ZC3H18: variants seen among roughly 807,000 people sequenced by gnomAD.
ZC3H18 encodes zinc finger CCCH-type containing 18.
A neutral mutation model predicts 106.1 loss-of-function variants in ZC3H18; 8 were observed. That is an observed-to-expected ratio of 0.08 (90% confidence interval 0.04 to 0.14). The LOEUF is 0.14. Among genes scored for constraint, ZC3H18 ranks in the 10% least tolerant of loss-of-function variants. The pLI is 1.00. For missense variants in ZC3H18, 1,318 were observed against 1,278.4 expected (o/e 1.03, Z -0.47); for synonymous variants, 635 against 522.1 (o/e 1.22, Z -2.95).
At chr16:88,584,921 A>G (rs1262252737) in intron 2 of ZC3H18, among the ~76,000 whole-genome samples, 1 of 152,252 alleles carries the variant, frequency 6.6e-6, no homozygotes, top group Admixed American at 6.5e-5. Flanking sequence ...AGGCAGGAAG[A>G]TTGGAATGGA....
At chr16:88,578,840 G>T (rs1204582199) in intron 2 of ZC3H18, among the ~76,000 whole-genome samples, 1 of 152,130 alleles carries the variant, frequency 6.6e-6, no homozygotes, top group African/African-American at 2.4e-5. Flanking sequence ...ACAGGCGCCC[G>T]CCACCACTGG....
chr16:88,623,590 A>C, intron 10 of ZC3H18: 2 of 587,708 alleles, frequency 3.4e-6, no homozygotes, highest in East Asian at 3.1e-5. Context: ...GAGTTGAGGC[A>C]CTCCAGTCCT....
At position 88,577,159 on chromosome 16, in the gene ZC3H18, C is replaced by T. The variant is rs1914803589; in HGVS notation, c.36C>T (p.His12=). ...DVAESPERDP[H]SPEDEEQPQG... ...CCGAGAGCCCTGAACGGGATCCTCA[C>T]TCTCCAGAGGATGAAGAGCAGCCAC... The change falls in exon 2 of 18, where the codon CAC becomes CAT. Residue 12 remains histidine (H), a synonymous_variant. Transcript: ENST00000301011. 3 of 1,588,458 alleles carry T rather than the reference C, an allele frequency of 1.9e-6. No individual in the cohort carries two copies. The highest frequency in any genetic ancestry group is 1.3e-5 in the African/African-American group (1 of 74,192).
At chr16:88,578,803 G>A (rs1373657008) in intron 2 of ZC3H18, among the ~76,000 whole-genome samples, 1 of 152,140 alleles carries the variant, frequency 6.6e-6, no homozygotes, top group African/African-American at 2.4e-5. Flanking sequence ...CAATTATCCT[G>A]CCTCAGCCTC....
rs887263902 is a variant in ZC3H18, at chr16:88,619,473, G to A, written c.1476-2724G>A. On this transcript the variant is annotated intron_variant, in intron 8 of 17. Transcript: ENST00000301011. ...TGCAGTGACGAGATGGTGCAGGCCC[G>A]TCCACAGCCCTGGCCCAGAGAAGGA... 9.2e-5 allele frequency among the ~76,000 whole-genome samples: 14 copies of A among 151,948 alleles called. No individual in the cohort carries two copies. In the East Asian group the frequency reaches 1.2e-3, roughly 13 times the overall value.
At chr16:88,573,236 G>T (rs749666203) in intron 1 of ZC3H18, among the ~76,000 whole-genome samples, 1 of 152,034 alleles carries the variant, frequency 6.6e-6, no homozygotes, top group Non-Finnish European at 1.5e-5. Context: ...CAGGCGCTCC[G>T]CTTAGGCAGC....
rs114985844 is a variant in ZC3H18, at chr16:88,608,986, C to T, written c.1141C>T (p.Arg381Cys). Residue 381 changes from arginine to cysteine, a missense_variant, in exon 7 of 18, where the codon CGT (arginine) becomes TGT (cysteine). Physicochemically the swap from Arg to Cys is radical, Grantham distance 180. This residue lies in a region of ZC3H18 where 848 missense variants were observed against 821.7 expected (regional missense o/e 1.03). Transcript: ENST00000301011. ...TGACTATGAAATTGAGCGGTTTTGG[C>T]GTGGCGGACAGTATGAGAATTTCAG... ...YYDYEIERFW[R>C]GGQYENFRVQ... is the part of the protein sequence containing the mutation. The T allele has an allele frequency of 5.6e-6, 9 of 1,613,600 alleles. No individual in the cohort carries two copies. Among genetic ancestry groups the T allele is most frequent in the African/African-American group, 4.0e-5 (3 of 74,856 alleles).
chr16:88,620,467 G>C (rs1001318242), intron 8 of ZC3H18, among the ~76,000 whole-genome samples: 1 of 151,984 alleles, frequency 6.6e-6, no homozygotes, highest in Non-Finnish European at 1.5e-5. Flanking sequence ...TGCAGTCCTG[G>C]CTACTCAAGA....
At chr16:88,619,542 A>C (rs996761743) in intron 8 of ZC3H18, among the ~76,000 whole-genome samples, 4 of 152,126 alleles carry the variant, frequency 2.6e-5, no homozygotes, top group African/African-American at 4.8e-5. Flanking sequence ...GGCCATCTTC[A>C]TTTTGAAATT....
intron 1 of ZC3H18, among the ~76,000 whole-genome samples, chr16:88,571,212 A>T (rs1284740653): frequency 1.3e-5 from 2 of 152,186 alleles, no homozygotes; most frequent in East Asian, 3.8e-4. Flanking sequence ...ATTTTTCCTG[A>T]ATACTTTATG....
chr16:88,574,501 G>A (rs1173686860), intron 1 of ZC3H18, among the ~76,000 whole-genome samples: 2 of 151,028 alleles, frequency 1.3e-5, no homozygotes, highest in East Asian at 1.9e-4. Flanking sequence ...GAGCCACCAC[G>A]CCTGGCCAGA....
Position 88,577,690 on chromosome 16 carries a change from G to A in ZC3H18, c.567G>A (p.Glu189=), listed in dbSNP as rs776676145. Reference sequence around the variant, plus strand: ...AGGCTGCCAAGGAGAAAAAGAAAGAGGACGATGATGGAGAAATCGATGATG... The same window carrying A: ...AGGCTGCCAAGGAGAAAAAGAAAGAAGACGATGATGGAGAAATCGATGATG... The part of the protein sequence containing the change: ...SLEAAKEKKK[E]DDDGEIDDGE... The change falls in exon 2 of 18, where the codon GAG becomes GAA. Residue 189 remains glutamate (E), a synonymous_variant. Coordinates refer to ENST00000301011, the MANE Select transcript of ZC3H18 (RefSeq NM_144604.4). The A allele has an allele frequency of 1.1e-5, 18 of 1,613,794 alleles. 1 individual carries two copies. The South Asian group carries it at 1.8e-4, about 16-fold the overall frequency.
At chr16:88,611,825 GGT>G (rs1370921623) in intron 8 of ZC3H18, among the ~76,000 whole-genome samples, 1 of 152,214 alleles carries the variant, frequency 6.6e-6, no homozygotes, top group East Asian at 1.9e-4. Context: ...TGCAAACATC[GGT>G]GTGTTTTAAT....
chr16:88,587,536 T>C, intron 3 of ZC3H18: 5 of 1,535,958 alleles, frequency 3.3e-6, no homozygotes, highest in Non-Finnish European at 4.4e-6. Context: ...TGTACTTCTT[T>C]TCCAGATGTT....
intron 3 of ZC3H18, among the ~76,000 whole-genome samples, chr16:88,595,434 C>G (rs954246888): frequency 6.5e-5 from 9 of 138,894 alleles, no homozygotes; most frequent in African/African-American, 1.3e-4. Context: ...ACCAGAAGAT[C>G]TTTATTGTTG....
intron 6 of ZC3H18, among the ~76,000 whole-genome samples, chr16:88,607,091 G>C (rs1209551830): frequency 6.6e-6 from 1 of 152,164 alleles, no homozygotes; most frequent in Non-Finnish European, 1.5e-5. Context: ...CCAACCCTGT[G>C]CGCAGTGGGG....
intron 2 of ZC3H18, among the ~76,000 whole-genome samples, chr16:88,581,336 T>C (rs1915118112): frequency 6.6e-6 from 1 of 152,232 alleles, no homozygotes; most frequent in African/African-American, 2.4e-5. Flanking sequence ...TCAGGGCACA[T>C]GTCCCTTTTA....
At chr16:88,628,267 G>A in intron 15 of ZC3H18, 148 bp downstream of exon 15, 2 of 952,918 alleles carry the variant, frequency 2.1e-6, no homozygotes, top group Non-Finnish European at 3.1e-6. Context: ...AACAAAGCGA[G>A]ACTCCATCTT....
intron 1 of ZC3H18, among the ~76,000 whole-genome samples, chr16:88,576,232 G>C (rs539405969): frequency 6.6e-6 from 1 of 151,382 alleles, no homozygotes; most frequent in Non-Finnish European, 1.5e-5. Flanking sequence ...TACAGAGACA[G>C]GGTCTCACCA....
Sources: allele counts gnomAD v4.1 joint callset (sites outside exome capture counted in the v4.1 genomes callset), GRCh38; gene constraint gnomAD v4.1.1; regional missense constraint gnomAD v4.1.1; transcripts MANE v1.5; gene names NCBI Gene and HGNC (gene_info 2026-07-23, HGNC 2026-07-21).